Variants in USP31 observed in about 807,000 individuals in gnomAD.
USP31 encodes ubiquitin carboxyl-terminal hydrolase 31.
A neutral mutation model predicts 119.4 loss-of-function variants in USP31; 44 were observed. The observed-to-expected ratio is 0.37, with a 90% CI of 0.29 to 0.47. USP31 has a LOEUF of 0.47. USP31 is among the 20% of genes least tolerant of loss of function. The pLI is 0.99. For synonymous variants in USP31, 749 were observed against 705.6 expected (o/e 1.06, Z -0.97); for missense variants, 1,643 against 1,730.2 (o/e 0.95, Z 0.89).
intron 1 of USP31, among the ~76,000 whole-genome samples, chr16:23,126,299 T>C (rs180732435): frequency 7.5e-6 from 1 of 132,824 alleles, no homozygotes; most frequent in East Asian, 2.2e-4. Flanking sequence ...CTAACCTGGG[T>C]ACAGAGCGAC....
At chr16:23,116,419 T>C (rs1191955853) in intron 1 of USP31, among the ~76,000 whole-genome samples, 1 of 152,142 alleles carries the variant, frequency 6.6e-6, no homozygotes, top group Non-Finnish European at 1.5e-5. Context: ...ACTAAGTTGA[T>C]GAAGAATAAT....
In USP31 at chr16:23,067,939, G is replaced by T; in HGVS notation, c.*107C>A. 2.1e-6 allele frequency: 3 copies of T among 1,401,216 alleles called. No individual in the cohort carries two copies. The highest frequency in any genetic ancestry group is 9.6e-7 in the Non-Finnish European group (1 of 1,044,430). 86.8% of individuals were successfully genotyped at this position (1,401,216 alleles called of 1,614,324 possible). A position where few individuals can be genotyped will look rare whatever the true frequency, so the allele number is the denominator to read the frequency against. ...CACACACACACACACAGTCGGGCAC[G>T]TGACTCAAAAAAGTACAAAACAAAA... On this transcript the variant is annotated 3_prime_UTR_variant, in exon 16 of 16. Coordinates refer to ENST00000219689, the MANE Select transcript of USP31 (RefSeq NM_020718.4).
chr16:23,070,557 C>CA (rs1160823617), intron 15 of USP31, among the ~76,000 whole-genome samples: 3 of 151,806 alleles, frequency 2.0e-5, no homozygotes, highest in East Asian at 1.9e-4. Context: ...ACTAAAAATA[C>CA]AAAAAAATTA....
chr16:23,145,584 T>C (rs1181960211), intron 1 of USP31, among the ~76,000 whole-genome samples: 5 of 152,186 alleles, frequency 3.3e-5, no homozygotes, highest in East Asian at 3.8e-4. Flanking sequence ...CCCTAATGAC[T>C]TCCTGCCGTC....
At position 23,070,888 on chromosome 16, in the gene USP31, C is replaced by G. The variant is rs1900317940; in HGVS notation, c.2488+1157G>C. 2.6e-5 allele frequency among the ~76,000 whole-genome samples: 4 copies of G among 152,206 alleles called. No individual in the cohort carries two copies. The South Asian group carries it at 8.3e-4, about 32-fold the overall frequency. On this transcript the variant is annotated intron_variant, in intron 15 of 15. Transcript: ENST00000219689. Reference sequence around the variant, plus strand: ...ACAGGCTCTATTCTGTGGGCACCACCCAGCACCATTATACAATGATGATGC... The same window carrying G: ...ACAGGCTCTATTCTGTGGGCACCACGCAGCACCATTATACAATGATGATGC...
rs1391408646 is a variant in USP31, at chr16:23,068,186, A to C, written c.3919T>G (p.Ser1307Ala). The change falls in exon 16 of 16, where the codon TCC becomes GCC. Residue 1307 changes from serine (S) to alanine (A), a missense_variant. Around this residue, in one of 5 missense-constraint regions of USP31, gnomAD observed 699 missense variants for 650.9 expected, o/e 1.07. Coordinates refer to ENST00000219689, the MANE Select transcript of USP31 (RefSeq NM_020718.4). ...TGGGAAGACTTGGATTTGCGAGCGG[A>C]CAGCAGGGAATGTTTGGCAGAAGCA... ...DPASAKHSLL[S>A]ARKSKSSQLD... The C allele has an allele frequency of 1.2e-6, 2 of 1,614,064 alleles. No homozygotes were observed. The highest frequency in any genetic ancestry group is 1.7e-6 in the Non-Finnish European group (2 of 1,180,032).
At position 23,068,480 on chromosome 16, in the gene USP31, T is replaced by C. The variant is rs1900186042; in HGVS notation, c.3625A>G (p.Thr1209Ala). The change falls in exon 16 of 16, where the codon ACA becomes GCA. Residue 1209 changes from threonine to alanine, a missense_variant. This residue lies in a region of USP31 where 699 missense variants were observed against 650.9 expected (regional missense o/e 1.07). Transcript: ENST00000219689. ...SSMASLRSPS[T>A]SIKSGLKRDS... ...CTCTTCAAACCAGACTTGATGCTTGTGCTGGGGGAGCGCAGGCTGGCCATG... is the reference window on the plus strand; with the variant it reads ...CTCTTCAAACCAGACTTGATGCTTGCGCTGGGGGAGCGCAGGCTGGCCATG... 2 of 1,613,360 alleles carry C rather than the reference T, an allele frequency of 1.2e-6. No individual in the cohort carries two copies. The highest frequency in any genetic ancestry group is 2.7e-5 in the African/African-American group (2 of 74,922).
intron 7 of USP31, among the ~76,000 whole-genome samples, chr16:23,089,862 G>A (rs1901274849): frequency 6.6e-6 from 1 of 152,192 alleles, no homozygotes; most frequent in South Asian, 2.1e-4. Context: ...AAATACTGGA[G>A]AGCCAGTTTT....
intron 1 of USP31, among the ~76,000 whole-genome samples, chr16:23,128,558 T>C (rs74012826): frequency 0.012 from 1,762 of 152,308 alleles, 32 homozygotes; most frequent in African/African-American, 0.04. Flanking sequence ...TTATCTAGCC[T>C]TTCTTCTGAA....
chr16:23,146,834 T>C (rs1903522236), intron 1 of USP31, among the ~76,000 whole-genome samples: 1 of 152,142 alleles, frequency 6.6e-6, no homozygotes, highest in South Asian at 2.1e-4. Flanking sequence ...AAAGAAGCTT[T>C]ATAGCACCAA....
At chr16:23,140,640 C>T (rs970151667) in intron 1 of USP31, among the ~76,000 whole-genome samples, 5 of 152,084 alleles carry the variant, frequency 3.3e-5, no homozygotes, top group Admixed American at 2.0e-4. Context: ...CTTTAAATAC[C>T]ATCCAGTGGT....
At chr16:23,146,934 C>G (rs1298616307) in intron 1 of USP31, among the ~76,000 whole-genome samples, 1 of 150,056 alleles carries the variant, frequency 6.7e-6, no homozygotes, top group Non-Finnish European at 1.5e-5. Flanking sequence ...CTGTTACCTG[C>G]CAATGCTTCT....
chr16:23,132,147 G>T (rs1259090782), intron 1 of USP31, among the ~76,000 whole-genome samples: 1 of 152,146 alleles, frequency 6.6e-6, no homozygotes, highest in Non-Finnish European at 1.5e-5. Context: ...CGAAAGACAA[G>T]ATATCCCGAC....
Position 23,069,467 on chromosome 16 carries a change from G to C in USP31, c.2638C>G (p.Pro880Ala). Residue 880 changes from proline to alanine, a missense_variant, in exon 16 of 16, where the codon CCA becomes GCA. Around this residue, in one of 5 missense-constraint regions of USP31, gnomAD observed 699 missense variants for 650.9 expected, o/e 1.07. Coordinates refer to ENST00000219689, the MANE Select transcript of USP31 (RefSeq NM_020718.4). ...GGCGAATCCCCTGAAAATCGGGATG[G>C]AGAATTGGAGCGCATCTGCAGCTTA... ...SAKLQMRSNS[P>A]SRFSGDSPIH... 1 of 1,614,216 alleles carries C rather than the reference G, an allele frequency of 6.2e-7. No individual in the cohort carries two copies. Among genetic ancestry groups the C allele is most frequent in the Non-Finnish European group, 8.5e-7 (1 of 1,180,040 alleles).
At chr16:23,102,494 T>A (rs771057773) in intron 5 of USP31, 31 bp from the exon 6 acceptor site, 10 of 1,590,012 alleles carry the variant, frequency 6.3e-6, no homozygotes, top group Non-Finnish European at 7.7e-6. Context: ...AACAGGTGGG[T>A]AACTGGAAAT....
At chr16:23,137,568 C>T (rs538365923) in intron 1 of USP31, among the ~76,000 whole-genome samples, 9 of 149,712 alleles carry the variant, frequency 6.0e-5, no homozygotes, top group East Asian at 2.0e-4. Flanking sequence ...TTCCTTTGGA[C>T]GTTTTCCTCC....
In USP31 at chr16:23,063,130, T is replaced by C. The variant is rs1224461353; in HGVS notation, c.*4916A>G. 6.6e-6 allele frequency: 1 copy of C among 152,194 alleles called. No individual in the cohort carries two copies. Among genetic ancestry groups the C allele is most frequent in the Non-Finnish European group, 1.5e-5 (1 of 68,038 alleles). 9.4% of individuals were successfully genotyped at this position (152,194 alleles called of 1,614,324 possible). A position where few individuals can be genotyped will look rare whatever the true frequency, so the allele number is the denominator to read the frequency against. On this transcript the variant is annotated 3_prime_UTR_variant, in exon 16 of 16. Coordinates refer to ENST00000219689, the MANE Select transcript of USP31 (RefSeq NM_020718.4). ...CTAGTTAATGTGGGTCTTCACTATC[T>C]CAGACAAGTCATTCAGAAGAGGCTT... is the stretch of plus-strand genomic sequence containing the variant.
intron 2 of USP31, among the ~76,000 whole-genome samples, chr16:23,107,015 G>C (rs1412972623): frequency 6.6e-6 from 1 of 152,010 alleles, no homozygotes. Context: ...AGGAGGCTGA[G>C]GTAGGAGAAT....
chr16:23,146,597 T>C (rs1219248586), intron 1 of USP31, among the ~76,000 whole-genome samples: 1 of 152,084 alleles, frequency 6.6e-6, no homozygotes, highest in Non-Finnish European at 1.5e-5. Flanking sequence ...CCTATCTCAG[T>C]CAAGTACTTC....
Sources: allele counts gnomAD v4.1 joint callset (sites outside exome capture counted in the v4.1 genomes callset), GRCh38; gene constraint gnomAD v4.1.1; regional missense constraint gnomAD v4.1.1; transcripts MANE v1.5; gene names NCBI Gene and HGNC (gene_info 2026-07-23, HGNC 2026-07-21).